DMXL2: variants seen among roughly 807,000 people sequenced by gnomAD.
DMXL2 encodes the protein dmX-like protein 2.
In DMXL2, 103 loss-of-function variants were observed where a neutral mutation model predicts 331.1. The ratio of observed to expected loss-of-function variants is 0.31; its 90% CI spans 0.27 to 0.37. DMXL2 has a LOEUF of 0.37. Among genes scored for constraint, DMXL2 ranks in the 10% least tolerant of loss-of-function variants. DMXL2 has a pLI of 1.00. For missense variants in DMXL2, 3,171 were observed against 3,642.9 expected, an observed-to-expected ratio of 0.87 and a Z score of 3.33; for synonymous variants, 1,281 against 1,252.1, an observed-to-expected ratio of 1.02 and a Z score of -0.49.
At chr15:51,591,913 T>C (rs2052377328) in intron 1 of DMXL2, among the ~76,000 whole-genome samples, 1 of 152,304 alleles carries the variant, frequency 6.6e-6, no homozygotes, top group East Asian at 1.9e-4. Context: ...AAACCCCATC[T>C]GTACGTCACC....
chr15:51,605,376 T>G (rs921363323), intron 1 of DMXL2, among the ~76,000 whole-genome samples: 1 of 151,816 alleles, frequency 6.6e-6, no homozygotes, highest in East Asian at 1.9e-4. Flanking sequence ...AATTTTTGTA[T>G]TTTTAGTAGA....
chr15:51,559,300 A>C (rs1567116900), intron 6 of DMXL2, among the ~76,000 whole-genome samples: 1 of 152,192 alleles, frequency 6.6e-6, no homozygotes, highest in Non-Finnish European at 1.5e-5. Flanking sequence ...AAGACCAAAA[A>C]CTATTTTAAA....
At chr15:51,615,161 T>C (rs1321779990) in intron 1 of DMXL2, among the ~76,000 whole-genome samples, 7 of 152,206 alleles carry the variant, frequency 4.6e-5, no homozygotes, top group Non-Finnish European at 1.0e-4. Context: ...AGGAAAATGT[T>C]ATGAGGTCTT....
Position 51,491,481 on chromosome 15 carries a change from C to T in DMXL2, c.4953+97G>A, listed in dbSNP as rs1017683292. The stretch of plus-strand genomic sequence containing the variant: ...TTCTCAAGACCTCAAGATAGACAAA[C>T]AAATTTCCCACTACAGGTTTTCTGG... On this transcript the variant is annotated intron_variant, in intron 20 of 43. Transcript: ENST00000560891. 3.2e-6 allele frequency: 4 copies of T among 1,255,010 alleles called. No homozygotes were observed. In the African/African-American group the frequency reaches 6.2e-5, roughly 20 times the overall value. 77.7% of individuals were successfully genotyped at this position (1,255,010 alleles called of 1,614,324 possible).
intron 1 of DMXL2, among the ~76,000 whole-genome samples, chr15:51,621,836 CTG>C (rs10557164): frequency 0.31 from 46,922 of 151,990 alleles, 7,741 homozygotes; most frequent in East Asian, 0.56. Flanking sequence ...CTCCAAGCCA[CTG>C]TGACTCTAAC....
chr15:51,512,251 T>C (rs2046799862), intron 15 of DMXL2, among the ~76,000 whole-genome samples: 1 of 152,120 alleles, frequency 6.6e-6, no homozygotes, highest in Non-Finnish European at 1.5e-5. Context: ...TGAGGGTGTA[T>C]ATAAGGTATC....
rs894877609 is a variant in DMXL2 at position 51,458,391 on chromosome 15, T to A, written c.8198+115A>T. The A allele has an allele frequency of 2.5e-5, 28 of 1,126,498 alleles. No individual in the cohort carries two copies. In the Admixed American group the frequency reaches 6.3e-4, roughly 25 times the overall value. The allele number at this position is 1,126,498 out of a possible 1,614,324, so 69.8% of individuals were successfully genotyped here. A position where few individuals can be genotyped will look rare whatever the true frequency, so the allele number is the denominator to read the frequency against. On this transcript the variant is annotated intron_variant, in intron 36 of 43. Transcript: ENST00000560891. ...AGCTAAACCAATTATATTTGTCACC[T>A]ACCCAAATGAAGGAGATACACGTAT...
chr15:51,459,242 G>T, intron 34 of DMXL2: 1 of 186,466 alleles, frequency 5.4e-6, no homozygotes, highest in South Asian at 1.1e-4. Flanking sequence ...AAGTTGTAAA[G>T]AGGGATACTT....
At chr15:51,491,798 G>T in intron 19 of DMXL2, 51 bp from the exon 20 acceptor site, 1 of 1,494,934 alleles carries the variant, frequency 6.7e-7, no homozygotes, top group Admixed American at 2.4e-5. Context: ...CAAATAAGAA[G>T]AAAAACAATT....
intron 21 of DMXL2, 23 bp from the exon 22 acceptor site, chr15:51,488,142 A>T: frequency 6.4e-7 from 1 of 1,558,020 alleles, no homozygotes; most frequent in East Asian, 2.3e-5. Flanking sequence ...CATAAACATA[A>T]AGTGGTTAAA....
chr15:51,470,504 C>G (rs1275276390), intron 29 of DMXL2, among the ~76,000 whole-genome samples: 1 of 151,780 alleles, frequency 6.6e-6, no homozygotes, highest in African/African-American at 2.4e-5. Context: ...GCTTAGCATA[C>G]AAAAAAACGG....
chr15:51,457,416 C>T lies in DMXL2; in HGVS notation c.8249G>A (p.Ser2750Asn), dbSNP rs1254632923. The T allele has an allele frequency of 6.2e-7, 1 of 1,614,064 alleles. No individual in the cohort carries two copies. The highest frequency in any genetic ancestry group is 8.5e-7 in the Non-Finnish European group (1 of 1,180,032). The change falls in exon 37 of 44, where the codon AGT becomes AAT. Residue 2750 changes from serine (S) to asparagine (N), a missense_variant. This residue lies in a region of DMXL2 where 766 missense variants were observed against 940.5 expected (regional missense o/e 0.81). Coordinates refer to ENST00000560891, the MANE Select transcript of DMXL2 (RefSeq NM_001378457.1). ...CTGACTTGCTGAATAGGATGTTGCACTGGGTTGATAAAGAGTTGTAGTGGA... is the reference window on the plus strand; with the variant it reads ...CTGACTTGCTGAATAGGATGTTGCATTGGGTTGATAAAGAGTTGTAGTGGA... Reference protein sequence around the residue: ...RGSTTTLYQPSATSYSASQVH... With the variant: ...RGSTTTLYQPNATSYSASQVH...
intron 2 of DMXL2, 107 bp from the exon 3 acceptor site, chr15:51,568,665 T>C: frequency 1.4e-6 from 1 of 732,450 alleles, no homozygotes; most frequent in Non-Finnish European, 2.2e-6. Context: ...CAATACAGTA[T>C]TCATGGTTTA....
intron 15 of DMXL2, among the ~76,000 whole-genome samples, chr15:51,512,307 T>A (rs1000445051): frequency 1.3e-5 from 2 of 152,106 alleles, no homozygotes; most frequent in African/African-American, 4.8e-5. Flanking sequence ...AAACACAATA[T>A]GTAAACTTTG....
Position 51,449,382 on chromosome 15 carries a change from C to T in DMXL2, c.8968-189G>A, listed in dbSNP as rs12593979. Among the ~76,000 whole-genome samples the T allele has an allele frequency of 0.46, 69,361 of 151,964 alleles. 16,275 individuals carry two copies. Among genetic ancestry groups the T allele is most frequent in the Non-Finnish European group, 0.5 (33,901 of 67,950 alleles). On this transcript the variant is annotated intron_variant, in intron 43 of 43. Coordinates refer to ENST00000560891, the MANE Select transcript of DMXL2 (RefSeq NM_001378457.1). Reference sequence around the variant, plus strand: ...CCACGATTCATTTACTGTCCTCCTTCCATATTTTCCTTCACATCCTCTTGT... The same window carrying T: ...CCACGATTCATTTACTGTCCTCCTTTCATATTTTCCTTCACATCCTCTTGT...
intron 23 of DMXL2, among the ~76,000 whole-genome samples, chr15:51,481,879 ACATGTAGTAAGCTAC>A (rs1265451477): frequency 2.6e-5 from 4 of 152,238 alleles, no homozygotes. Flanking sequence ...TGCAGAAAGT[ACATGTAGTAAGCTAC>A]CTTTTATCTA....
intron 12 of DMXL2, 73 bp from the exon 13 acceptor site, chr15:51,535,857 A>AC: frequency 1.4e-6 from 2 of 1,472,822 alleles, no homozygotes; most frequent in South Asian, 3.0e-5. Context: ...AGGATAAGAA[A>AC]CAAGTATTCA....
intron 8 of DMXL2, among the ~76,000 whole-genome samples, chr15:51,545,045 T>C (rs2048815584): frequency 6.6e-6 from 1 of 152,108 alleles, no homozygotes; most frequent in Non-Finnish European, 1.5e-5. Flanking sequence ...TATTTCATAC[T>C]GTATTTAAAA....
At chr15:51,547,209 T>A (rs2048935765) in intron 7 of DMXL2, 21 bp downstream of exon 7, 3 of 1,567,298 alleles carry the variant, frequency 1.9e-6, no homozygotes, top group Non-Finnish European at 1.7e-6. Flanking sequence ...AAACTAAAGC[T>A]ACATGATTCA....
Sources: gnomAD v4.1 joint callset for allele counts (sites outside exome capture counted in the v4.1 genomes callset) on GRCh38, gnomAD v4.1.1 for gene constraint, gnomAD v4.1.1 regional missense constraint, MANE v1.5 for transcripts, NCBI Gene and HGNC (gene_info 2026-07-23, HGNC 2026-07-21) for gene names.